Variants in THSD7A observed in about 807,000 individuals in gnomAD.
THSD7A encodes thrombospondin type 1 domain containing 7A.
A neutral mutation model predicts 231.3 loss-of-function variants in THSD7A; 96 were observed. That is an observed-to-expected ratio of 0.41 (90% CI 0.35 to 0.49). THSD7A has a LOEUF of 0.49. THSD7A is among the 20% of genes least tolerant of loss of function. The pLI is 0.05. For synonymous variants in THSD7A, 940 were observed against 743.3 expected, an observed-to-expected ratio of 1.26 and a Z score of -4.30; for missense variants, 2,290 against 2,070.2, an observed-to-expected ratio of 1.11 and a Z score of -2.06.
At chr7:11,436,194 C>T (rs1340163976) in intron 13 of THSD7A, among the ~76,000 whole-genome samples, 1 of 151,906 alleles carries the variant, frequency 6.6e-6, no homozygotes, top group Non-Finnish European at 1.5e-5. Flanking sequence ...GTCAGGAATA[C>T]AAACATATTT....
intron 23 of THSD7A, chr7:11,385,747 A>G (rs1782714489): frequency 6.6e-6 from 1 of 151,968 alleles, no homozygotes; most frequent in Non-Finnish European, 1.5e-5. Flanking sequence ...TTTACTGCCA[A>G]GGTTATACTC....
intron 4 of THSD7A, among the ~76,000 whole-genome samples, chr7:11,558,207 T>C (rs1205048538): frequency 6.6e-6 from 1 of 152,164 alleles, no homozygotes; most frequent in Non-Finnish European, 1.5e-5. Context: ...ATCTGCCTTC[T>C]TCTCTCCAAC....
At chr7:11,546,206 A>ACG (rs1254982435) in intron 4 of THSD7A, among the ~76,000 whole-genome samples, 1 of 106,300 alleles carries the variant, frequency 9.4e-6, no homozygotes, top group African/African-American at 3.5e-5. Context: ...GCGCGCGCTC[A>ACG]CACACACACA....
At chr7:11,759,420 A>G (rs1186613734) in intron 1 of THSD7A, among the ~76,000 whole-genome samples, 1 of 152,094 alleles carries the variant, frequency 6.6e-6, no homozygotes, top group African/African-American at 2.4e-5. Flanking sequence ...AAAGATATTA[A>G]TCTGTAGAAA....
intron 1 of THSD7A, among the ~76,000 whole-genome samples, chr7:11,681,667 T>C (rs982480036): frequency 2.0e-5 from 3 of 151,734 alleles, no homozygotes; most frequent in African/African-American, 7.3e-5. Context: ...GAAGAGAAAG[T>C]ATACAGTTTA....
At chr7:11,643,087 C>T (rs761563070) in intron 1 of THSD7A, among the ~76,000 whole-genome samples, 33 of 152,004 alleles carry the variant, frequency 2.2e-4, no homozygotes, top group African/African-American at 8.0e-4. Flanking sequence ...ATTATGAGAA[C>T]TACTTTTTGT....
At chr7:11,449,949 T>G (rs548769606) in intron 11 of THSD7A, among the ~76,000 whole-genome samples, 3 of 152,200 alleles carry the variant, frequency 2.0e-5, no homozygotes, top group Non-Finnish European at 4.4e-5. Context: ...TGAAGAGGGT[T>G]TCACTGTTTG....
chr7:11,677,174 A>C (rs909186521), intron 1 of THSD7A, among the ~76,000 whole-genome samples: 6 of 152,286 alleles, frequency 3.9e-5, no homozygotes, highest in Admixed American at 2.0e-4. Context: ...ACTAAGCTTC[A>C]TGAGTGAAGG....
intron 7 of THSD7A, among the ~76,000 whole-genome samples, chr7:11,476,361 A>ACC (rs1458817615): frequency 6.3e-5 from 9 of 142,856 alleles, no homozygotes; most frequent in African/African-American, 1.8e-4. Context: ...ACACACACAC[A>ACC]CCATTTTTTT....
chr7:11,590,401 GCAATCA>G lies in THSD7A; in HGVS notation c.1453+53_1453+58del. The G allele has an allele frequency of 6.5e-7, 1 of 1,546,338 alleles. No individual in the cohort carries two copies. Among genetic ancestry groups the G allele is most frequent in the South Asian group, 1.3e-5 (1 of 79,532 alleles). ...ATGGCTGTGTATATATCCCTTCAGA[GCAATCA>G]CATGCTCAGTCAGTCTTCATAAGTG... On this transcript the variant is annotated intron_variant, in intron 4 of 27. Coordinates refer to ENST00000423059, the MANE Select transcript of THSD7A (RefSeq NM_015204.3). This position sits in a 1 kb window ranked among gnomAD's most constrained non-coding sequence, Gnocchi z 4.4.
chr7:11,511,065 G>A (rs1787788080), intron 6 of THSD7A, among the ~76,000 whole-genome samples: 1 of 152,166 alleles, frequency 6.6e-6, no homozygotes, highest in South Asian at 2.1e-4. Context: ...TCCTTAAGTT[G>A]ATAAGCAACT....
chr7:11,560,395 T>C (rs996995927), intron 4 of THSD7A, among the ~76,000 whole-genome samples: 1 of 151,996 alleles, frequency 6.6e-6, no homozygotes, highest in Admixed American at 6.6e-5. Flanking sequence ...GGGCAGCACA[T>C]CACATATTCT....
At chr7:11,643,721 C>T (rs76177875) in intron 1 of THSD7A, among the ~76,000 whole-genome samples, 10,093 of 151,926 alleles carry the variant, frequency 0.066, 387 homozygotes, top group East Asian at 0.14. Flanking sequence ...TCTATCGATT[C>T]ACCATGATTT....
At chr7:11,497,594 A>C (rs1787154679) in intron 6 of THSD7A, among the ~76,000 whole-genome samples, 1 of 152,184 alleles carries the variant, frequency 6.6e-6, no homozygotes. Context: ...TACTCTCAAT[A>C]ATCTTTAATA....
chr7:11,573,093 A>G (rs901715881), intron 4 of THSD7A, among the ~76,000 whole-genome samples: 1 of 152,092 alleles, frequency 6.6e-6, no homozygotes, highest in African/African-American at 2.4e-5. Flanking sequence ...GACAGTGTGG[A>G]CCTTCTGGGA....
Position 11,433,963 on chromosome 7 carries a change from C to A in THSD7A, c.3065-4838G>T, listed in dbSNP as rs371451278. On this transcript the variant is annotated intron_variant, in intron 13 of 27. Coordinates refer to ENST00000423059, the MANE Select transcript of THSD7A (RefSeq NM_015204.3). Reference sequence around the variant, plus strand: ...ATTAGAAACTGAGATAAAGATAAAACTGCAAAAGCGTATATTGCCTAGCAT... The same window carrying A: ...ATTAGAAACTGAGATAAAGATAAAAATGCAAAAGCGTATATTGCCTAGCAT... Among the ~76,000 whole-genome samples, 7 of 152,000 alleles carry A rather than the reference C, an allele frequency of 4.6e-5. No individual in the cohort carries two copies. The East Asian group carries it at 9.6e-4, about 21-fold the overall frequency.
intron 2 of THSD7A, among the ~76,000 whole-genome samples, chr7:11,602,370 T>C (rs1163113591): frequency 6.6e-6 from 1 of 152,122 alleles, no homozygotes; most frequent in Non-Finnish European, 1.5e-5. Context: ...TTTCAACAAA[T>C]GTGTATTAAG....
chr7:11,612,685 A>G (rs1466263397), intron 2 of THSD7A, among the ~76,000 whole-genome samples: 1 of 152,194 alleles, frequency 6.6e-6, no homozygotes, highest in Non-Finnish European at 1.5e-5. Context: ...ATCTTCCAAC[A>G]TGACAATCGT....
At chr7:11,601,910 G>C (rs1304820279) in intron 2 of THSD7A, among the ~76,000 whole-genome samples, 2 of 152,194 alleles carry the variant, frequency 1.3e-5, no homozygotes, top group Non-Finnish European at 2.9e-5. Flanking sequence ...CACAGAGTAA[G>C]CAGTTGACTG....
Sources: gnomAD v4.1 joint callset for allele counts (sites outside exome capture counted in the v4.1 genomes callset) on GRCh38, gnomAD v4.1.1 for gene constraint, Gnocchi (gnomAD v3.1) non-coding constraint, MANE v1.5 for transcripts, NCBI Gene and HGNC (gene_info 2026-07-23, HGNC 2026-07-21) for gene names.